Variants in OPCML observed in about 807,000 individuals in gnomAD.
OPCML encodes opioid-binding protein/cell adhesion molecule.
In OPCML, 13 loss-of-function variants were observed where a neutral mutation model predicts 37.8. The ratio of observed to expected loss-of-function variants is 0.34; its 90% CI spans 0.22 to 0.55. The LOEUF (loss-of-function observed/expected upper bound fraction) is 0.55. Among genes scored for constraint, OPCML ranks in the 20% least tolerant of loss-of-function variants. The pLI is 0.91. For synonymous variants in OPCML, 176 were observed against 168.8 expected, an observed-to-expected ratio of 1.04 and a Z score of -0.33; for missense variants, 341 against 435.6, an observed-to-expected ratio of 0.78 and a Z score of 1.93.
intron 1 of OPCML, among the ~76,000 whole-genome samples, chr11:133,166,626 G>A (rs1950212286): frequency 1.3e-5 from 2 of 152,324 alleles, no homozygotes; most frequent in South Asian, 4.1e-4. Context: ...GCCTGCATAG[G>A]TGTGCGATGC....
intron 2 of OPCML, among the ~76,000 whole-genome samples, chr11:132,811,892 C>G (rs117692813): frequency 6.6e-6 from 1 of 152,202 alleles, no homozygotes; most frequent in African/African-American, 2.4e-5. Flanking sequence ...AGCTTGTTCA[C>G]AGGACTAAAT....
intron 1 of OPCML, among the ~76,000 whole-genome samples, chr11:133,432,619 C>T (rs1946146473): frequency 6.6e-6 from 1 of 152,168 alleles, no homozygotes; most frequent in Admixed American, 6.5e-5. Flanking sequence ...AATTGTCTTG[C>T]CATGTCTTTT....
chr11:133,471,532 C>T (rs1947115290), intron 1 of OPCML, among the ~76,000 whole-genome samples: 1 of 152,062 alleles, frequency 6.6e-6, no homozygotes, highest in Admixed American at 6.6e-5. Context: ...GAGAGGGGAA[C>T]TGGTTGGCTG....
intron 1 of OPCML, chr11:133,418,143 C>T (rs1386548802): frequency 1.0e-6 from 1 of 985,230 alleles, no homozygotes; most frequent in African/African-American, 1.7e-5. Flanking sequence ...CAGCAGGAAA[C>T]AATCAAGAAA....
chr11:132,622,770 C>T (rs1181819834), intron 3 of OPCML, among the ~76,000 whole-genome samples: 1 of 152,186 alleles, frequency 6.6e-6, no homozygotes, highest in Admixed American at 6.5e-5. Flanking sequence ...GCTTTGGAGG[C>T]TGTAGTGCCC....
intron 1 of OPCML, among the ~76,000 whole-genome samples, chr11:133,352,648 G>A (rs773106270): frequency 9.2e-5 from 14 of 152,220 alleles, no homozygotes; most frequent in South Asian, 6.2e-4. Flanking sequence ...TTACTACAGC[G>A]TATGGTGTAG....
rs376571784 is a variant in OPCML at position 133,288,280 on chromosome 11, T to C, written c.61+243984A>G. 1.6e-4 allele frequency among the ~76,000 whole-genome samples: 25 copies of C among 152,276 alleles called. No individual in the cohort carries two copies. The South Asian group carries it at 5.2e-3, about 32-fold the overall frequency. ...TCTGTGGATCTCCCTAGACTTCTGC[T>C]TCCTGGAGACTTAGCAGGTTATGCT... On this transcript the variant is annotated intron_variant, in intron 1 of 7. Coordinates refer to ENST00000524381, the MANE Select transcript of OPCML (RefSeq NM_001012393.5).
chr11:133,192,876 T>C (rs945554267), intron 1 of OPCML, among the ~76,000 whole-genome samples: 20 of 151,944 alleles, frequency 1.3e-4, no homozygotes, highest in Non-Finnish European at 2.8e-4. Flanking sequence ...TTTTCTTTTT[T>C]TTTTTTTTCA....
intron 1 of OPCML, among the ~76,000 whole-genome samples, chr11:133,002,861 G>C (rs996502817): frequency 2.6e-5 from 4 of 152,080 alleles, no homozygotes; most frequent in African/African-American, 9.7e-5. Flanking sequence ...ACTCAACTTT[G>C]CACAATGCTG....
chr11:132,498,467 G>A (rs1170397947), intron 4 of OPCML, among the ~76,000 whole-genome samples: 1 of 152,178 alleles, frequency 6.6e-6, no homozygotes, highest in South Asian at 2.1e-4. Flanking sequence ...GCAGCTACAG[G>A]TTCAGTATTA....
Position 133,483,668 on chromosome 11 carries a change from A to G in OPCML, c.61+48596T>C, listed in dbSNP as rs1355496679. On this transcript the variant is annotated intron_variant, in intron 1 of 7. Coordinates refer to ENST00000524381, the MANE Select transcript of OPCML (RefSeq NM_001012393.5). The stretch of plus-strand genomic sequence containing the variant: ...ATTAGGTAGATAGACAGATTAGATA[A>G]ATAGATGATAGATAGATAGATAGAT... Among the ~76,000 whole-genome samples the G allele has an allele frequency of 3.5e-5, 5 of 143,534 alleles. No individual in the cohort carries two copies. The Admixed American group carries it at 3.6e-4, about 10-fold the overall frequency. 94.2% of individuals were successfully genotyped at this position (143,534 alleles called of 152,430 possible).
At chr11:132,616,639 G>A (rs918114828) in intron 3 of OPCML, among the ~76,000 whole-genome samples, 1 of 152,118 alleles carries the variant, frequency 6.6e-6, no homozygotes, top group Non-Finnish European at 1.5e-5. Context: ...TTTCACAGAC[G>A]GTTTTATATC....
At chr11:132,827,317 A>G (rs1940408198) in intron 2 of OPCML, among the ~76,000 whole-genome samples, 1 of 152,342 alleles carries the variant, frequency 6.6e-6, no homozygotes, top group East Asian at 1.9e-4. Context: ...GAAGAATGCT[A>G]AACATCATAC....
At chr11:133,296,887 C>T (rs772382128) in intron 1 of OPCML, among the ~76,000 whole-genome samples, 10 of 152,254 alleles carry the variant, frequency 6.6e-5, no homozygotes, top group Admixed American at 3.3e-4. Flanking sequence ...AATAATTTGA[C>T]GTACAGAGGT....
At chr11:133,304,116 G>A (rs1294417118) in intron 1 of OPCML, among the ~76,000 whole-genome samples, 1 of 152,152 alleles carries the variant, frequency 6.6e-6, no homozygotes, top group Non-Finnish European at 1.5e-5. Context: ...TCGCACAAGG[G>A]AATACAGTGC....
chr11:132,903,309 A>G (rs1029374490), intron 2 of OPCML, among the ~76,000 whole-genome samples: 8 of 152,218 alleles, frequency 5.3e-5, no homozygotes, highest in Non-Finnish European at 2.9e-5. Context: ...GTTTTATAAT[A>G]TTTATGCCAT....
At chr11:133,202,908 A>T (rs1938861600) in intron 1 of OPCML, among the ~76,000 whole-genome samples, 1 of 152,234 alleles carries the variant, frequency 6.6e-6, no homozygotes, top group South Asian at 2.1e-4. Flanking sequence ...TCTGCTTACC[A>T]GCAGTGTGAT....
At chr11:133,204,302 C>A (rs1938939213) in intron 1 of OPCML, among the ~76,000 whole-genome samples, 1 of 152,170 alleles carries the variant, frequency 6.6e-6, no homozygotes, top group African/African-American at 2.4e-5. Flanking sequence ...TTTGAAATTT[C>A]TATTTCGTCA....
intron 2 of OPCML, among the ~76,000 whole-genome samples, chr11:132,897,486 C>T (rs1280007532): frequency 1.3e-5 from 2 of 152,206 alleles, no homozygotes; most frequent in Admixed American, 6.5e-5. Context: ...CCCAAATGTC[C>T]TTGGTGTCTA....
Sources: allele counts gnomAD v4.1 joint callset (sites outside exome capture counted in the v4.1 genomes callset), GRCh38; gene constraint gnomAD v4.1.1; transcripts MANE v1.5; gene names NCBI Gene and HGNC (gene_info 2026-07-23, HGNC 2026-07-21).